Variants in COL26A1 observed in about 807,000 individuals in gnomAD.
The protein encoded by COL26A1 is collagen alpha-1(XXVI) chain.
In COL26A1, 41 loss-of-function variants were observed where a neutral mutation model predicts 59.3. That is an observed-to-expected ratio of 0.69 (90% CI 0.54 to 0.90). COL26A1 has a LOEUF of 0.90. Among genes scored for constraint, COL26A1 ranks in the 40% least tolerant of loss-of-function variants. The pLI is 0.00. For missense variants in COL26A1, 612 were observed against 602.3 expected, an observed-to-expected ratio of 1.02 and a Z score of -0.17; for synonymous variants, 266 against 256.0, an observed-to-expected ratio of 1.04 and a Z score of -0.37.
At chr7:101,393,648 T>C (rs1328213781) in intron 1 of COL26A1, among the ~76,000 whole-genome samples, 1 of 152,210 alleles carries the variant, frequency 6.6e-6, no homozygotes, top group African/African-American at 2.4e-5. Flanking sequence ...GGTTTCATCA[T>C]GTTGGCTGGG....
At chr7:101,384,230 G>GTTTTTTTTT (rs35085221) in intron 1 of COL26A1, among the ~76,000 whole-genome samples, 26 of 105,676 alleles carry the variant, frequency 2.5e-4, no homozygotes, top group African/African-American at 1.0e-3. Context: ...GTTCAGGCTG[G>GTTTTTTTTT]TTTTTTTTTT....
intron 3 of COL26A1, among the ~76,000 whole-genome samples, chr7:101,517,854 C>T (rs112715326): frequency 0.065 from 8,105 of 125,122 alleles, 742 homozygotes; most frequent in African/African-American, 0.21. Flanking sequence ...TGCTCTGTGT[C>T]CCAGGCTGGA....
intron 2 of COL26A1, among the ~76,000 whole-genome samples, chr7:101,433,570 T>A (rs1482367346): frequency 1.3e-5 from 2 of 152,046 alleles, no homozygotes; most frequent in East Asian, 3.9e-4. Context: ...TCATTGGGTT[T>A]GGGGTCACTG....
intron 8 of COL26A1, among the ~76,000 whole-genome samples, chr7:101,547,692 C>CG: frequency 6.6e-6 from 1 of 152,346 alleles, no homozygotes; most frequent in Admixed American, 6.5e-5. Flanking sequence ...CCTTTCTGCC[C>CG]GGGAAGGGAG....
chr7:101,539,317 T>C (rs538199300), intron 4 of COL26A1, among the ~76,000 whole-genome samples: 17 of 144,996 alleles, frequency 1.2e-4, no homozygotes, highest in African/African-American at 3.2e-4. Context: ...TGTGTGTGTG[T>C]GTGCGTATGT....
At chr7:101,413,877 C>G (rs1051482737) in intron 1 of COL26A1, among the ~76,000 whole-genome samples, 7 of 152,194 alleles carry the variant, frequency 4.6e-5, no homozygotes, top group African/African-American at 1.7e-4. Context: ...CTGCTAAGCA[C>G]CTTTCTGGGT....
In COL26A1 at chr7:101,419,996, G is replaced by C; in HGVS notation, c.178G>C (p.Val60Leu). 6.2e-7 allele frequency: 1 copy of C among 1,613,746 alleles called. No homozygotes were observed. ...ASRRHWCHHT[V>L]TRTVSCQVQN... ...CCACAGGCACTGGTGCCATCACACA[G>C]TGACACGGACGGTGTCCTGCCAGGT... The change falls in exon 2 of 13, where the codon GTG becomes CTG. Residue 60 changes from valine to leucine, a missense_variant. Physicochemically the swap from Val to Leu is conservative, Grantham distance 32. Transcript: ENST00000313669.
chr7:101,490,904 C>A (rs1794443608), intron 3 of COL26A1, among the ~76,000 whole-genome samples: 1 of 147,116 alleles, frequency 6.8e-6, no homozygotes, highest in African/African-American at 2.6e-5. Flanking sequence ...GAGGCTGAGA[C>A]AGGAGAATTA....
chr7:101,436,384 C>T (rs34081435), intron 2 of COL26A1, among the ~76,000 whole-genome samples: 18,760 of 152,130 alleles, frequency 0.12, 2,309 homozygotes, highest in African/African-American at 0.32. Context: ...CAGCCTGACT[C>T]GGAACCTCCC....
intron 3 of COL26A1, among the ~76,000 whole-genome samples, chr7:101,489,875 T>C (rs1199995007): frequency 2.6e-5 from 2 of 76,770 alleles, no homozygotes; most frequent in African/African-American, 4.9e-5. Flanking sequence ...TCTTTCTTTC[T>C]TTCTTTCTTT....
intron 1 of COL26A1, among the ~76,000 whole-genome samples, chr7:101,398,314 T>G (rs989459895): frequency 2.6e-5 from 4 of 152,190 alleles, no homozygotes; most frequent in African/African-American, 7.2e-5. Context: ...AGGGGTCACT[T>G]AGCCAATGTC....
intron 4 of COL26A1, among the ~76,000 whole-genome samples, chr7:101,535,165 C>G (rs1562793893): frequency 6.6e-6 from 1 of 152,172 alleles, no homozygotes; most frequent in Non-Finnish European, 1.5e-5. Flanking sequence ...CCCAGCTGCT[C>G]TCCTTGGAGT....
At chr7:101,372,722 G>A (rs1791223674) in intron 1 of COL26A1, among the ~76,000 whole-genome samples, 1 of 152,136 alleles carries the variant, frequency 6.6e-6, no homozygotes, top group African/African-American at 2.4e-5. Flanking sequence ...CTAATGGGAT[G>A]TGGTGGCTCA....
intron 2 of COL26A1, among the ~76,000 whole-genome samples, chr7:101,421,343 T>C (rs1469405833): frequency 6.6e-6 from 1 of 152,102 alleles, no homozygotes; most frequent in Non-Finnish European, 1.5e-5. Flanking sequence ...CCACCCACAT[T>C]ATAGAGGGCA....
chr7:101,362,991 C>A lies in COL26A1; in HGVS notation c.-42C>A, dbSNP rs1790931277. The A allele has an allele frequency of 6.5e-7, 1 of 1,541,414 alleles. No individual in the cohort carries two copies. Among genetic ancestry groups the A allele is most frequent in the African/African-American group, 1.4e-5 (1 of 71,100 alleles). ...GGGCGCCGGTGCGCTCCTGCCGGTC[C>A]TCGTGCCCGGGACTCCGGGTCCCCG... On this transcript the variant is annotated 5_prime_UTR_variant, in exon 1 of 13. Coordinates refer to ENST00000313669, the MANE Select transcript of COL26A1 (RefSeq NM_001278563.3).
At chr7:101,502,070 C>T (rs1268663324) in intron 3 of COL26A1, among the ~76,000 whole-genome samples, 2 of 152,220 alleles carry the variant, frequency 1.3e-5, no homozygotes, top group East Asian at 3.9e-4. Context: ...TGCTTGAAGG[C>T]CGGGTGCGGT....
intron 1 of COL26A1, among the ~76,000 whole-genome samples, chr7:101,387,736 T>TTATATATATATATTTATATATATA (rs1791615136): frequency 1.9e-5 from 2 of 106,938 alleles, no homozygotes; most frequent in African/African-American, 7.7e-5. Flanking sequence ...TTTAATATAA[T>TTATATATATATATTTATATATATA]TATATATATA....
intron 3 of COL26A1, among the ~76,000 whole-genome samples, chr7:101,489,458 G>A (rs1010260514): frequency 2.0e-5 from 3 of 152,258 alleles, no homozygotes; most frequent in South Asian, 2.1e-4. Context: ...TGATCCAGAC[G>A]CCAAGAGAGG....
At chr7:101,515,287 A>ATTT (rs34397132) in intron 3 of COL26A1, among the ~76,000 whole-genome samples, 202 of 149,934 alleles carry the variant, frequency 1.3e-3, no homozygotes, top group Non-Finnish European at 2.5e-3. Flanking sequence ...ATAAATATTT[A>ATTT]TTTTTTTTTT....
Sources: allele counts gnomAD v4.1 joint callset (sites outside exome capture counted in the v4.1 genomes callset), GRCh38; gene constraint gnomAD v4.1.1; transcripts MANE v1.5; gene names NCBI Gene and HGNC (gene_info 2026-07-23, HGNC 2026-07-21).